Variants in GPC6 observed in about 807,000 individuals in gnomAD.
GPC6 encodes the protein glypican-6.
Under a neutral mutation model 55.2 loss-of-function variants are expected in GPC6, and 14 were observed. The observed-to-expected ratio is 0.25, with a 90% CI of 0.17 to 0.40. The LOEUF (loss-of-function observed/expected upper bound fraction) is 0.40. Among genes scored for constraint, GPC6 ranks in the 10% least tolerant of loss-of-function variants. GPC6 has a pLI of 1.00. For missense variants in GPC6, 641 were observed against 708.5 expected (o/e 0.90, Z 1.08); for synonymous variants, 278 against 259.6 (o/e 1.07, Z -0.68).
intron 3 of GPC6, among the ~76,000 whole-genome samples, chr13:93,936,772 C>T (rs1439929496): frequency 6.6e-6 from 1 of 152,142 alleles, no homozygotes; most frequent in Non-Finnish European, 1.5e-5. Flanking sequence ...TCAATGCAAA[C>T]CACGGGTGGA....
At chr13:93,671,713 T>C (rs1032385261) in intron 2 of GPC6, among the ~76,000 whole-genome samples, 1 of 152,080 alleles carries the variant, frequency 6.6e-6, no homozygotes, top group Admixed American at 6.6e-5. Flanking sequence ...CAAATGGGGC[T>C]GTCATCCTGC....
At chr13:94,284,456 G>GT (rs113507279) in intron 4 of GPC6, among the ~76,000 whole-genome samples, 61,484 of 149,698 alleles carry the variant, frequency 0.41, 13,387 homozygotes, top group African/African-American at 0.56. Context: ...ATACATGTAT[G>GT]TTTTTTTTTT....
intron 2 of GPC6, among the ~76,000 whole-genome samples, chr13:93,768,314 C>T (rs542108785): frequency 1.3e-5 from 2 of 152,294 alleles, no homozygotes; most frequent in East Asian, 3.9e-4. Context: ...TCCCTGAAAA[C>T]CCTTCCTTGA....
intron 3 of GPC6, among the ~76,000 whole-genome samples, chr13:93,953,757 G>T (rs1477181104): frequency 6.6e-6 from 1 of 152,114 alleles, no homozygotes; most frequent in Non-Finnish European, 1.5e-5. Context: ...TCAATGCCCA[G>T]CTCTTAAGTG....
intron 1 of GPC6, among the ~76,000 whole-genome samples, chr13:93,295,109 CAAAAAAA>C (rs71202577): frequency 1.1e-4 from 7 of 61,832 alleles, no homozygotes; most frequent in African/African-American, 2.0e-4. Context: ...TCTGTCTCTG[CAAAAAAA>C]AAAAAAAAAA....
At chr13:93,253,054 C>T (rs1428935939) in intron 1 of GPC6, among the ~76,000 whole-genome samples, 1 of 152,164 alleles carries the variant, frequency 6.6e-6, no homozygotes, top group Non-Finnish European at 1.5e-5. Context: ...CCCAATGAAG[C>T]TCTGTTTTAT....
chr13:93,616,052 A>G (rs1878704343), intron 2 of GPC6, among the ~76,000 whole-genome samples: 2 of 152,096 alleles, frequency 1.3e-5, no homozygotes, highest in African/African-American at 2.4e-5. Context: ...GTATTTAAGA[A>G]TACATATGTG....
chr13:94,132,468 T>C (rs183192887), intron 4 of GPC6, among the ~76,000 whole-genome samples: 3 of 152,260 alleles, frequency 2.0e-5, no homozygotes, highest in African/African-American at 7.2e-5. Context: ...ACAGACGCTG[T>C]AGCCTCATGG....
chr13:93,947,548 T>TA (rs1020022164), intron 3 of GPC6, among the ~76,000 whole-genome samples: 2 of 151,996 alleles, frequency 1.3e-5, no homozygotes, highest in Admixed American at 6.6e-5. Context: ...TATGTTGACC[T>TA]AAAAAAAATT....
At chr13:93,623,679 T>G (rs12323081) in intron 2 of GPC6, among the ~76,000 whole-genome samples, 2,708 of 152,130 alleles carry the variant, frequency 0.018, 69 homozygotes, top group African/African-American at 0.06. Flanking sequence ...AGGATGGTCT[T>G]GATCTCCTGA....
At chr13:94,156,128 G>A (rs943201997) in intron 4 of GPC6, among the ~76,000 whole-genome samples, 4 of 152,084 alleles carry the variant, frequency 2.6e-5, no homozygotes, top group East Asian at 3.9e-4. Flanking sequence ...TCAGAAAAAC[G>A]GGATATGTCA....
chr13:93,780,458 A>G (rs1378876409), intron 2 of GPC6, among the ~76,000 whole-genome samples: 1 of 152,100 alleles, frequency 6.6e-6, no homozygotes, highest in Non-Finnish European at 1.5e-5. Flanking sequence ...TTTGTTAAAA[A>G]TGGCATATAA....
intron 2 of GPC6, among the ~76,000 whole-genome samples, chr13:93,553,579 C>T (rs1875278614): frequency 1.3e-5 from 2 of 151,232 alleles, no homozygotes; most frequent in South Asian, 4.2e-4. Context: ...CCTGTAATCC[C>T]AGCTACTCGG....
intron 3 of GPC6, among the ~76,000 whole-genome samples, chr13:93,993,581 C>A (rs9516328): frequency 0.1 from 15,935 of 152,072 alleles, 1,050 homozygotes; most frequent in East Asian, 0.26. Context: ...CAGGCATGAG[C>A]CAGTGCACCC....
At chr13:93,917,586 G>A (rs1178709288) in intron 3 of GPC6, among the ~76,000 whole-genome samples, 1 of 151,966 alleles carries the variant, frequency 6.6e-6, no homozygotes, top group African/African-American at 2.4e-5. Flanking sequence ...CATGCCTGAG[G>A]GCATTTGGAG....
intron 2 of GPC6, among the ~76,000 whole-genome samples, chr13:93,655,713 A>T (rs999533601): frequency 1.3e-5 from 2 of 152,110 alleles, no homozygotes; most frequent in African/African-American, 4.8e-5. Flanking sequence ...AGTAAAGTCA[A>T]TTTTTCTGCT....
At chr13:93,893,557 T>C (rs1481067033) in intron 3 of GPC6, among the ~76,000 whole-genome samples, 1 of 152,172 alleles carries the variant, frequency 6.6e-6, no homozygotes, top group Non-Finnish European at 1.5e-5. Context: ...TTTAACCCTC[T>C]TGTGTTCAAG....
chr13:93,502,913 CA>C (rs1880574961), intron 1 of GPC6, among the ~76,000 whole-genome samples: 1 of 151,826 alleles, frequency 6.6e-6, no homozygotes, highest in African/African-American at 2.4e-5. Flanking sequence ...TAACTAACTT[CA>C]AAAGCATAGG....
Position 94,157,560 on chromosome 13 carries a change from C to G in GPC6, c.878-128789C>G, listed in dbSNP as rs1887998131. ...AGTGGGCAGTGGAGACTGGCAGGAG[C>G]ATAGAGGTATAAAGGAAACCAGGAA... is the stretch of plus-strand genomic sequence containing the variant. On this transcript the variant is annotated intron_variant, in intron 4 of 8. Transcript: ENST00000377047. Among the ~76,000 whole-genome samples the G allele has an allele frequency of 2.0e-5, 3 of 152,018 alleles. No individual in the cohort carries two copies. In the South Asian group the frequency reaches 6.2e-4, roughly 32 times the overall value.
Sources: gnomAD v4.1 joint callset for allele counts (sites outside exome capture counted in the v4.1 genomes callset) on GRCh38, gnomAD v4.1.1 for gene constraint, MANE v1.5 for transcripts, NCBI Gene and HGNC (gene_info 2026-07-23, HGNC 2026-07-21) for gene names.